The following CA10 variants were observed in gnomAD, a reference collection of about 807,000 sequenced individuals.
CA10 encodes the protein carbonic anhydrase-related protein 10.
CA10 carries 14 observed loss-of-function variants against 44.2 expected under a neutral mutation model. The observed-to-expected ratio is 0.32, with a 90% CI of 0.21 to 0.50. The LOEUF is 0.50. Ranked by LOEUF, CA10 falls within the 20% of genes least tolerant of loss-of-function variation. The pLI is 0.99. For synonymous variants in CA10, 159 were observed against 141.6 expected (o/e 1.12, Z -0.87); for missense variants, 350 against 409.7 (o/e 0.85, Z 1.26).
intron 2 of CA10, among the ~76,000 whole-genome samples, chr17:52,034,221 TAA>T (rs1238897614): frequency 6.6e-5 from 10 of 152,120 alleles, no homozygotes; most frequent in African/African-American, 2.4e-4. Context: ...GTAGAAATAA[TAA>T]AGAGAGCAGA....
chr17:52,036,878 A>C (rs1986633579), intron 2 of CA10, among the ~76,000 whole-genome samples: 1 of 152,182 alleles, frequency 6.6e-6, no homozygotes, highest in Non-Finnish European at 1.5e-5. Flanking sequence ...TGATACATTC[A>C]CAGTCATTAA....
intron 2 of CA10, among the ~76,000 whole-genome samples, chr17:51,962,503 A>G (rs1983929232): frequency 6.6e-6 from 1 of 152,188 alleles, no homozygotes; most frequent in African/African-American, 2.4e-5. Context: ...TAGAAGCTAG[A>G]GCTTCTACTG....
At chr17:51,726,395 T>C (rs369212197) in intron 4 of CA10, among the ~76,000 whole-genome samples, 4 of 152,214 alleles carry the variant, frequency 2.6e-5, no homozygotes, top group African/African-American at 9.6e-5. Flanking sequence ...AATAACAACA[T>C]ACTGCACTGT....
At chr17:52,072,436 A>T in intron 1 of CA10, 43 bp from the exon 2 acceptor site, 1 of 1,415,700 alleles carries the variant, frequency 7.1e-7, no homozygotes, top group Non-Finnish European at 1.0e-6. Context: ...GATAGCAGAG[A>T]AGCACTGTGT....
intron 3 of CA10, among the ~76,000 whole-genome samples, chr17:51,895,777 T>C (rs1424927384): frequency 1.3e-5 from 2 of 152,126 alleles, no homozygotes; most frequent in African/African-American, 4.8e-5. Flanking sequence ...GCGAGATTGT[T>C]GTAGACACTG....
At chr17:51,805,671 T>C (rs193149374) in intron 3 of CA10, among the ~76,000 whole-genome samples, 205 of 152,324 alleles carry the variant, frequency 1.3e-3, no homozygotes, top group Non-Finnish European at 2.1e-3. Flanking sequence ...ATTCGACAGT[T>C]TTTAGTAAAT....
At chr17:51,928,012 C>T (rs1025900313) in intron 3 of CA10, among the ~76,000 whole-genome samples, 1 of 152,034 alleles carries the variant, frequency 6.6e-6, no homozygotes, top group Non-Finnish European at 1.5e-5. Flanking sequence ...GCCTTAAGGG[C>T]GTGCCATTTG....
At chr17:51,867,179 G>A (rs1979585823) in intron 3 of CA10, among the ~76,000 whole-genome samples, 1 of 152,132 alleles carries the variant, frequency 6.6e-6, no homozygotes, top group Admixed American at 6.5e-5. Flanking sequence ...TTATAACACT[G>A]GGCAGTGATG....
chr17:51,936,976 T>C (rs1194106632), intron 2 of CA10, among the ~76,000 whole-genome samples: 2 of 152,154 alleles, frequency 1.3e-5, no homozygotes, highest in East Asian at 3.9e-4. Flanking sequence ...TAAAATCGTG[T>C]TTTCCTAGGA....
intron 3 of CA10, among the ~76,000 whole-genome samples, chr17:51,852,299 CTTGTCTGTGTTCT>C (rs879440608): frequency 7.2e-4 from 110 of 152,272 alleles, no homozygotes; most frequent in Non-Finnish European, 1.5e-3. Context: ...GGAGATTGGG[CTTGTCTGTGTTCT>C]CCACACTATA....
chr17:52,131,032 C>T (rs1989226847), intron 1 of CA10, among the ~76,000 whole-genome samples: 1 of 151,868 alleles, frequency 6.6e-6, no homozygotes, highest in South Asian at 2.1e-4. Flanking sequence ...CTTGATTTAT[C>T]TATCCCACAA....
intron 6 of CA10, among the ~76,000 whole-genome samples, chr17:51,642,202 T>C (rs1328246672): frequency 6.6e-6 from 1 of 152,206 alleles, no homozygotes; most frequent in Non-Finnish European, 1.5e-5. Flanking sequence ...GATTGCAACA[T>C]GGAAAGTGGT....
At chr17:51,931,172 A>G (rs1205785620) in intron 2 of CA10, 40 bp from the exon 3 acceptor site, 1 of 1,600,662 alleles carries the variant, frequency 6.2e-7, no homozygotes, top group South Asian at 1.1e-5. Context: ...GCTGAGTAGC[A>G]GGTTGGGGAA....
chr17:52,150,398 T>A (rs1052280755), intron 1 of CA10, among the ~76,000 whole-genome samples: 2 of 152,200 alleles, frequency 1.3e-5, no homozygotes, highest in African/African-American at 2.4e-5. Flanking sequence ...TAAAAATCAG[T>A]CTTTTACTAG....
chr17:51,901,430 G>T (rs1981310935), intron 3 of CA10, among the ~76,000 whole-genome samples: 1 of 152,100 alleles, frequency 6.6e-6, no homozygotes, highest in South Asian at 2.1e-4. Context: ...CTCCAATAGG[G>T]GGTGCCAGCC....
chr17:52,029,577 G>T (rs1986403441), intron 2 of CA10, among the ~76,000 whole-genome samples: 1 of 143,132 alleles, frequency 7.0e-6, no homozygotes, highest in African/African-American at 2.5e-5. Context: ...GAAGGCGTTT[G>T]CTGTTTCTCA....
At chr17:51,801,335 C>T (rs1424142557) in intron 3 of CA10, among the ~76,000 whole-genome samples, 1 of 152,120 alleles carries the variant, frequency 6.6e-6, no homozygotes, top group African/African-American at 2.4e-5. Flanking sequence ...AATCTCCAGT[C>T]GCCCTTGGGG....
intron 3 of CA10, among the ~76,000 whole-genome samples, chr17:51,778,096 T>C (rs979305537): frequency 6.6e-6 from 1 of 152,222 alleles, no homozygotes; most frequent in Non-Finnish European, 1.5e-5. Context: ...GTACCTTTTG[T>C]TGACAAATGA....
chr17:51,944,940 C>A, intron 2 of CA10, among the ~76,000 whole-genome samples: 1 of 152,264 alleles, frequency 6.6e-6, no homozygotes, highest in East Asian at 1.9e-4. Flanking sequence ...TACTTCTCTG[C>A]ACCCACTTTC....
Sources: gnomAD v4.1 joint callset for allele counts (sites outside exome capture counted in the v4.1 genomes callset) on GRCh38, gnomAD v4.1.1 for gene constraint, MANE v1.5 for transcripts, NCBI Gene and HGNC (gene_info 2026-07-23, HGNC 2026-07-21) for gene names.